The following SPTA1 variants were observed in gnomAD, a reference collection of about 807,000 sequenced individuals.
SPTA1 encodes spectrin alpha chain, erythrocytic 1.
Under a neutral mutation model 324.7 loss-of-function variants are expected in SPTA1, and 177 were observed. The ratio of observed to expected loss-of-function variants is 0.55; its 90% CI spans 0.48 to 0.62. The LOEUF (loss-of-function observed/expected upper bound fraction) is 0.62. Ranked by LOEUF, SPTA1 falls within the 20% of genes least tolerant of loss-of-function variation. The pLI, the probability that SPTA1 is intolerant of heterozygous loss-of-function variation, is 0.00. For synonymous variants in SPTA1, 1,195 were observed against 1,041.3 expected, an observed-to-expected ratio of 1.15 and a Z score of -2.84; for missense variants, 3,162 against 2,883.6, an observed-to-expected ratio of 1.10 and a Z score of -2.21.
chr1:158,642,693 T>A, intron 32 of SPTA1, 121 bp downstream of exon 32: 2 of 1,577,168 alleles, frequency 1.3e-6, no homozygotes, highest in South Asian at 2.2e-5. Context: ...GACTCTGAAG[T>A]CTCTGAGAGC....
At chr1:158,619,141 C>T in intron 45 of SPTA1, 81 bp downstream of exon 45, 1 of 1,325,366 alleles carries the variant, frequency 7.5e-7, no homozygotes, top group Non-Finnish European at 1.1e-6. Context: ...AGTCTCTCCT[C>T]TTCCCTTCAA....
In SPTA1 at chr1:158,645,212, G is replaced by C; in HGVS notation, c.4170C>G (p.Ile1390Met). The stretch of plus-strand genomic sequence containing the variant: ...CCTGCAACTCCAGGCACTGGTCTAG[G>C]ATCTTCTTGCGTTTTTCCCAAGCCT... ...LEKAWEKRKK[I>M]LDQCLELQMF... The change falls in exon 29 of 52, where the codon ATC becomes ATG. Residue 1390 changes from isoleucine (I) to methionine (M), a missense_variant. By Grantham distance (10) the Ile-to-Met change is conservative (BLOSUM62 1). Coordinates refer to ENST00000643759, the MANE Select transcript of SPTA1 (RefSeq NM_003126.4). The C allele has an allele frequency of 1.9e-6, 3 of 1,613,860 alleles. No individual in the cohort carries two copies. Among genetic ancestry groups the C allele is most frequent in the Non-Finnish European group, 2.5e-6 (3 of 1,179,818 alleles).
chr1:158,635,195 AG>A (rs1239070460), intron 38 of SPTA1, among the ~76,000 whole-genome samples: 2 of 152,124 alleles, frequency 1.3e-5, no homozygotes, highest in African/African-American at 4.8e-5. Flanking sequence ...CCTATGTATC[AG>A]GGGAGGGGCC....
In SPTA1 at chr1:158,642,952, C is replaced by A. The variant is rs748771621; in HGVS notation, c.4467G>T (p.Leu1489=). The A allele has an allele frequency of 6.2e-7, 1 of 1,613,586 alleles. No individual in the cohort carries two copies. Among genetic ancestry groups the A allele is most frequent in the Non-Finnish European group, 8.5e-7 (1 of 1,179,762 alleles). ...LDRWKALKAQ[L]IDERTKLGDY... The stretch of plus-strand genomic sequence containing the variant: ...CTCCAAGCTTTGTCCGCTCATCAAT[C>A]AGTTGTGCTTTGAGAGCCTTCCACC... The change falls in exon 32 of 52, where the codon CTG becomes CTT. Residue 1489 remains leucine (L), a synonymous_variant. Coordinates refer to ENST00000643759, the MANE Select transcript of SPTA1 (RefSeq NM_003126.4).
At chr1:158,681,031 C>G (rs1402319004) in intron 4 of SPTA1, among the ~76,000 whole-genome samples, 1 of 152,130 alleles carries the variant, frequency 6.6e-6, no homozygotes. Flanking sequence ...TGTTTCTACT[C>G]AATTCAACAT....
rs753764449 is a variant in SPTA1 at position 158,677,847 on chromosome 1, A to G, written c.813-13T>C. 6.2e-7 allele frequency: 1 copy of G among 1,613,428 alleles called. No individual in the cohort carries two copies. The highest frequency in any genetic ancestry group is 1.1e-5 in the South Asian group (1 of 91,062). ...TTCAGTCACATCCCTGCAGTCATTAACAAGAGCTCCAACCAAAGAAGATAG... is the reference window on the plus strand; with the variant it reads ...TTCAGTCACATCCCTGCAGTCATTAGCAAGAGCTCCAACCAAAGAAGATAG... On this transcript the variant is annotated splice_polypyrimidine_tract_variant and intron_variant, in intron 6 of 51. Transcript: ENST00000643759.
At position 158,634,631 on chromosome 1, in the gene SPTA1, T is replaced by C. The variant is rs1297856079; in HGVS notation, c.5477A>G (p.Gln1826Arg). ...EESLEYLQFM[Q>R]NAEEEEAWIN... ...CCAAGCTTCCTCTTCCTCAGCATTC[T>C]GCATGAATTGCAAGTATTCTAGGGA... Residue 1826 changes from glutamine to arginine, a missense_variant, in exon 39 of 52, where the codon CAG (glutamine) becomes CGG (arginine). By Grantham distance (43) the Gln-to-Arg change is conservative (BLOSUM62 1). Transcript: ENST00000643759. 1 of 1,614,182 alleles carries C rather than the reference T, an allele frequency of 6.2e-7. No homozygotes were observed. Among genetic ancestry groups the C allele is most frequent in the East Asian group, 2.2e-5 (1 of 44,872 alleles).
At chr1:158,614,017 A>G (rs1649408987) in intron 49 of SPTA1, 150 bp from the exon 50 acceptor site, 1 of 961,492 alleles carries the variant, frequency 1.0e-6, no homozygotes, top group Non-Finnish European at 1.6e-6. Flanking sequence ...TGTCTGTGTC[A>G]TGTACATTTT....
At position 158,647,593 on chromosome 1, in the gene SPTA1, C is replaced by A. The variant is rs374733516; in HGVS notation, c.3842G>T (p.Arg1281Leu). Residue 1281 changes from arginine (R) to leucine (L), a missense_variant, in exon 27 of 52, where the codon CGT becomes CTT. By Grantham distance (102) the Arg-to-Leu change is moderately radical. Coordinates refer to ENST00000643759, the MANE Select transcript of SPTA1 (RefSeq NM_003126.4). ...WEDLQGRTKD[R>L]KESLNEAQKF... ...CTGGGCCTCATTTAGGCTCTCCTTA[C>A]GATCCTTTGTACGCCCCTGCAGGTC... 5.6e-6 allele frequency: 9 copies of A among 1,613,908 alleles called. No homozygotes were observed. The Admixed American group carries it at 1.0e-4, about 18-fold the overall frequency.
rs116672455 is a variant in SPTA1 at position 158,686,421 on chromosome 1, T to C, written c.24+73A>G. The C allele has an allele frequency of 4.2e-3, 4,412 of 1,051,544 alleles. 146 individuals are homozygous for C. In the African/African-American group the frequency reaches 0.062, roughly 15 times the overall value. The allele number at this position is 1,051,544 out of a possible 1,614,324, so 65.1% of individuals were successfully genotyped here. Reference sequence around the variant, plus strand: ...ATTAATGTTCCTGGGAAAGATAGTATAGAAAGTTTAAAGGAAACATCTTTC... The same window carrying C: ...ATTAATGTTCCTGGGAAAGATAGTACAGAAAGTTTAAAGGAAACATCTTTC... On this transcript the variant is annotated intron_variant, in intron 1 of 51. Transcript: ENST00000643759.
chr1:158,630,598 G>A (rs1650605813), intron 39 of SPTA1, among the ~76,000 whole-genome samples: 1 of 151,834 alleles, frequency 6.6e-6, no homozygotes, highest in Admixed American at 6.6e-5. Context: ...ACATAAATAT[G>A]ACACTAAAAG....
At position 158,630,262 on chromosome 1, in the gene SPTA1, C is replaced by T. The variant is rs574916133; in HGVS notation, c.5566-2539G>A. Among the ~76,000 whole-genome samples, 36 of 151,846 alleles carry T rather than the reference C, an allele frequency of 2.4e-4. No individual in the cohort carries two copies. In the South Asian group the frequency reaches 5.4e-3, roughly 23 times the overall value. ...GATTTTAAAATACAGTAAAAAGCTA[C>T]AATAATTAAGAGTATGGTACTGGCA... On this transcript the variant is annotated intron_variant, in intron 39 of 51. Transcript: ENST00000643759.
At position 158,627,619 on chromosome 1, in the gene SPTA1, G is replaced by A; in HGVS notation, c.5664+6C>T. The A allele has an allele frequency of 6.2e-7, 1 of 1,613,000 alleles. No individual in the cohort carries two copies. Among genetic ancestry groups the A allele is most frequent in the Non-Finnish European group, 8.5e-7 (1 of 1,179,350 alleles). On this transcript the variant is annotated splice_donor_region_variant and intron_variant, in intron 40 of 51. Transcript: ENST00000643759. ...AGTTTGAGCTGGAATTCCTGAACTAGCTCACCTTATTTAGGATGTCTTCTC... is the reference window on the plus strand; with the variant it reads ...AGTTTGAGCTGGAATTCCTGAACTAACTCACCTTATTTAGGATGTCTTCTC...
intron 29 of SPTA1, among the ~76,000 whole-genome samples, chr1:158,644,705 A>G (rs1557950995): frequency 6.6e-6 from 1 of 152,176 alleles, no homozygotes. Flanking sequence ...AGCCTGTGAC[A>G]CAACCACTTA....
At chr1:158,680,962 T>C (rs1003739319) in intron 4 of SPTA1, among the ~76,000 whole-genome samples, 3 of 152,172 alleles carry the variant, frequency 2.0e-5, no homozygotes, top group African/African-American at 7.2e-5. Context: ...GTGGCATTAC[T>C]GGCAAGAGAC....
At chr1:158,667,751 G>T in intron 15 of SPTA1, 107 bp downstream of exon 15, 1 of 1,232,048 alleles carries the variant, frequency 8.1e-7, no homozygotes, top group Non-Finnish European at 1.2e-6. Context: ...CAAATGAGTA[G>T]TATACCTTCT....
chr1:158,665,881 G>A (rs1653557773), intron 16 of SPTA1, among the ~76,000 whole-genome samples: 1 of 152,090 alleles, frequency 6.6e-6, no homozygotes, highest in African/African-American at 2.4e-5. Flanking sequence ...AAAGTGAAAT[G>A]ACCTATCAAA....
At chr1:158,623,284 C>T in intron 42 of SPTA1, 92 bp from the exon 43 acceptor site, 1 of 1,071,220 alleles carries the variant, frequency 9.3e-7, no homozygotes, top group Non-Finnish European at 1.5e-6. Context: ...ATAGATAAGG[C>T]TAGGCAAGAA....
At chr1:158,633,589 A>G (rs559791166) in intron 39 of SPTA1, among the ~76,000 whole-genome samples, 50 of 146,824 alleles carry the variant, frequency 3.4e-4, no homozygotes, top group Non-Finnish European at 3.7e-4. Context: ...TGAACCCGGG[A>G]GGCAGAGCTT....
Sources: gnomAD v4.1 joint callset for allele counts (sites outside exome capture counted in the v4.1 genomes callset) on GRCh38, gnomAD v4.1.1 for gene constraint, MANE v1.5 for transcripts, NCBI Gene and HGNC (gene_info 2026-07-23, HGNC 2026-07-21) for gene names.